Variants in KIAA0825 observed in about 807,000 individuals in gnomAD.
KIAA0825 encodes the protein KIAA0825.
Under a neutral mutation model 147.6 loss-of-function variants are expected in KIAA0825, and 119 were observed. The observed-to-expected ratio is 0.81, with a 90% CI of 0.69 to 0.94. The LOEUF (loss-of-function observed/expected upper bound fraction) is 0.94, where lower values mean the gene tolerates loss of function less well. Ranked by LOEUF, KIAA0825 falls within the 40% of genes least tolerant of loss-of-function variation. The pLI is 0.00. For synonymous variants in KIAA0825, 470 were observed against 518.1 expected (o/e 0.91, Z 1.26); for missense variants, 1,381 against 1,472.7 (o/e 0.94, Z 1.02).
intron 20 of KIAA0825, among the ~76,000 whole-genome samples, chr5:94,306,617 A>G (rs1018649566): frequency 1.3e-5 from 2 of 151,836 alleles, no homozygotes; most frequent in Admixed American, 1.3e-4. Context: ...TAAACTTGGT[A>G]AAGTTACTTA....
intron 5 of KIAA0825, among the ~76,000 whole-genome samples, chr5:94,490,828 C>T (rs1763650848): frequency 6.6e-6 from 1 of 152,010 alleles, no homozygotes; most frequent in African/African-American, 2.4e-5. Context: ...AAGTATTAAC[C>T]CCATTCTCTT....
chr5:94,410,715 C>T (rs1049979834), intron 15 of KIAA0825, among the ~76,000 whole-genome samples: 4 of 151,996 alleles, frequency 2.6e-5, no homozygotes, highest in East Asian at 1.9e-4. Flanking sequence ...AAAGGAAAAA[C>T]GAAAAAGAAC....
At chr5:94,469,766 G>A (rs974926773) in intron 10 of KIAA0825, among the ~76,000 whole-genome samples, 195 bp downstream of exon 10, 38 of 152,060 alleles carry the variant, frequency 2.5e-4, no homozygotes, top group Admixed American at 2.2e-3. Context: ...CAGAAGGAGA[G>A]TTCTGATGTC....
At chr5:94,237,043 A>ATGTG (rs36021428) in intron 20 of KIAA0825, among the ~76,000 whole-genome samples, 22,563 of 147,468 alleles carry the variant, frequency 0.15, 1,995 homozygotes, top group East Asian at 0.32. Context: ...AATAGGCTAT[A>ATGTG]TGTGTGTGTG....
chr5:94,459,656 T>A (rs1759562188), intron 12 of KIAA0825, among the ~76,000 whole-genome samples: 2 of 152,138 alleles, frequency 1.3e-5, no homozygotes. Flanking sequence ...GGCTTAGTGA[T>A]CTACCTTCGG....
At chr5:94,324,023 C>T (rs1030195054) in intron 20 of KIAA0825, among the ~76,000 whole-genome samples, 9 of 151,952 alleles carry the variant, frequency 5.9e-5, no homozygotes, top group Admixed American at 2.0e-4. Flanking sequence ...ATGAAGAGAG[C>T]CTTCAAAGGC....
chr5:94,489,626 C>T (rs1345366947), intron 5 of KIAA0825, among the ~76,000 whole-genome samples: 1 of 150,930 alleles, frequency 6.6e-6, no homozygotes, highest in Admixed American at 6.6e-5. Flanking sequence ...TGGCTCACAC[C>T]TGTAATCCCA....
chr5:94,391,416 T>G, intron 18 of KIAA0825, 119 bp downstream of exon 18: 40 of 905,468 alleles, frequency 4.4e-5, no homozygotes, highest in Non-Finnish European at 6.2e-5. Flanking sequence ...AATGCAATAT[T>G]GAGTTTGGTA....
intron 20 of KIAA0825, among the ~76,000 whole-genome samples, chr5:94,352,726 G>A (rs769521583): frequency 3.3e-4 from 50 of 152,244 alleles, no homozygotes; most frequent in Admixed American, 6.5e-5. Flanking sequence ...ATATACATAC[G>A]ATGAAATACT....
intron 2 of KIAA0825, among the ~76,000 whole-genome samples, chr5:94,552,089 C>T (rs1020885233): frequency 1.3e-5 from 2 of 151,644 alleles, no homozygotes; most frequent in African/African-American, 4.8e-5. Flanking sequence ...ATATTCCACA[C>T]AAAGAGAAAC....
chr5:94,200,864 T>A (rs1245822605), intron 20 of KIAA0825, among the ~76,000 whole-genome samples: 1 of 150,646 alleles, frequency 6.6e-6, no homozygotes, highest in African/African-American at 2.4e-5. Flanking sequence ...TGATTTCTTT[T>A]TTCCTGCTAT....
intron 20 of KIAA0825, among the ~76,000 whole-genome samples, chr5:94,309,499 T>C (rs1251475015): frequency 6.6e-6 from 1 of 151,566 alleles, no homozygotes; most frequent in Non-Finnish European, 1.5e-5. Context: ...AAAATGCACA[T>C]GTTAAATCCA....
intron 20 of KIAA0825, among the ~76,000 whole-genome samples, chr5:94,324,010 T>A (rs1780445784): frequency 6.6e-6 from 1 of 152,002 alleles, no homozygotes. Flanking sequence ...TTAAAGAGTT[T>A]TAATGAAGAG....
chr5:94,513,582 G>T (rs1181988665), intron 5 of KIAA0825, among the ~76,000 whole-genome samples: 2 of 151,886 alleles, frequency 1.3e-5, no homozygotes, highest in Admixed American at 6.6e-5. Context: ...TTCCATTTTT[G>T]TGCCCTTCTG....
chr5:94,523,696 T>C (rs558496227), intron 4 of KIAA0825, among the ~76,000 whole-genome samples: 101 of 151,662 alleles, frequency 6.7e-4, no homozygotes, highest in African/African-American at 2.4e-3. Flanking sequence ...CCAGGAATCA[T>C]AATATTGTAT....
chr5:94,423,729 G>T (rs1232643770), intron 14 of KIAA0825, among the ~76,000 whole-genome samples: 1 of 152,096 alleles, frequency 6.6e-6, no homozygotes, highest in Non-Finnish European at 1.5e-5. Context: ...GAGGCTGAAA[G>T]ACTCATTTTC....
At chr5:94,479,435 C>T (rs1348997728) in intron 6 of KIAA0825, among the ~76,000 whole-genome samples, 1 of 152,048 alleles carries the variant, frequency 6.6e-6, no homozygotes, top group Non-Finnish European at 1.5e-5. Context: ...CATCTCATTT[C>T]TTTTTATCGA....
At chr5:94,461,839 T>C (rs1759879272) in intron 12 of KIAA0825, among the ~76,000 whole-genome samples, 1 of 151,946 alleles carries the variant, frequency 6.6e-6, no homozygotes, top group Non-Finnish European at 1.5e-5. Context: ...TTATAAGACG[T>C]ATTCTAACCT....
intron 6 of KIAA0825, among the ~76,000 whole-genome samples, chr5:94,482,816 A>G (rs1465270139): frequency 1.3e-5 from 2 of 152,056 alleles, no homozygotes; most frequent in Non-Finnish European, 2.9e-5. Context: ...ACGTTCTAGT[A>G]CTGAGACACT....
Sources: gnomAD v4.1 joint callset for allele counts (sites outside exome capture counted in the v4.1 genomes callset) on GRCh38, gnomAD v4.1.1 for gene constraint, MANE v1.5 for transcripts, NCBI Gene and HGNC (gene_info 2026-07-23, HGNC 2026-07-21) for gene names.